ATP8A2: variants seen among roughly 807,000 people sequenced by gnomAD.
ATP8A2 encodes ATPase phospholipid transporting 8A2, also known as phospholipid-transporting ATPase IB.
A neutral mutation model predicts 165.6 loss-of-function variants in ATP8A2; 100 were observed. The ratio of observed to expected loss-of-function variants is 0.60; its 90% CI spans 0.51 to 0.71. The LOEUF (loss-of-function observed/expected upper bound fraction) is 0.71. Ranked by LOEUF, ATP8A2 falls within the 30% of genes least tolerant of loss-of-function variation. The pLI is 0.00. For missense variants in ATP8A2, 1,227 were observed against 1,479.5 expected (o/e 0.83, Z 2.80); for synonymous variants, 543 against 548.8 (o/e 0.99, Z 0.15).
chr13:25,477,874 T>A (rs1593368205), intron 2 of ATP8A2, among the ~76,000 whole-genome samples: 1 of 151,916 alleles, frequency 6.6e-6, no homozygotes, highest in Non-Finnish European at 1.5e-5. Flanking sequence ...GAGGTGGAGG[T>A]TGCAGTCAGC....
chr13:25,633,136 C>T (rs2041285350), intron 24 of ATP8A2, among the ~76,000 whole-genome samples: 2 of 152,216 alleles, frequency 1.3e-5, no homozygotes, highest in Non-Finnish European at 2.9e-5. Flanking sequence ...AGTCAGATTT[C>T]TCTTGAGCTT....
intron 35 of ATP8A2, among the ~76,000 whole-genome samples, chr13:25,994,126 G>A (rs530869012): frequency 2.0e-5 from 3 of 152,004 alleles, no homozygotes; most frequent in East Asian, 1.9e-4. Flanking sequence ...TTAAATTTTA[G>A]CATCTGTGTG....
intron 29 of ATP8A2, among the ~76,000 whole-genome samples, chr13:25,839,088 G>A (rs1951695535): frequency 6.6e-6 from 1 of 152,260 alleles, no homozygotes; most frequent in South Asian, 2.1e-4. Context: ...AGTTACAAGT[G>A]GAATGTTTTC....
chr13:25,455,366 C>G (rs1284828096), intron 1 of ATP8A2, among the ~76,000 whole-genome samples: 2 of 152,220 alleles, frequency 1.3e-5, no homozygotes, highest in East Asian at 1.9e-4. Context: ...ACCTTTCCAT[C>G]AGGGTTCTGT....
chr13:25,733,133 A>G (rs1387192355), intron 25 of ATP8A2, among the ~76,000 whole-genome samples: 1 of 152,230 alleles, frequency 6.6e-6, no homozygotes, highest in African/African-American at 2.4e-5. Context: ...TCAATGACTA[A>G]TAAGGAAATA....
intron 27 of ATP8A2, among the ~76,000 whole-genome samples, chr13:25,817,990 T>C (rs1951073602): frequency 6.6e-6 from 1 of 152,196 alleles, no homozygotes; most frequent in African/African-American, 2.4e-5. Flanking sequence ...CTCAAGTCCT[T>C]TTAAACATAA....
At chr13:25,709,183 G>A (rs1593230862) in intron 25 of ATP8A2, among the ~76,000 whole-genome samples, 1 of 152,310 alleles carries the variant, frequency 6.6e-6, no homozygotes, top group East Asian at 1.9e-4. Context: ...TGGGTCATCT[G>A]AGCAAAACAG....
chr13:25,997,010 G>C (rs1956524925), intron 35 of ATP8A2, among the ~76,000 whole-genome samples: 1 of 152,032 alleles, frequency 6.6e-6, no homozygotes, highest in Non-Finnish European at 1.5e-5. Context: ...GTAGAGACAG[G>C]GTTTCACCAT....
At chr13:25,420,146 T>G (rs2034257499) in intron 1 of ATP8A2, among the ~76,000 whole-genome samples, 1 of 152,222 alleles carries the variant, frequency 6.6e-6, no homozygotes, top group East Asian at 1.9e-4. Context: ...TTTGATTTCA[T>G]TTTGAAAGAT....
intron 24 of ATP8A2, among the ~76,000 whole-genome samples, chr13:25,661,433 C>T (rs1187699881): frequency 3.9e-5 from 6 of 152,282 alleles, no homozygotes; most frequent in Admixed American, 3.9e-4. Flanking sequence ...GGTAGAGCCA[C>T]ACAATTTTTG....
intron 24 of ATP8A2, among the ~76,000 whole-genome samples, chr13:25,663,330 C>A (rs1192356095): frequency 6.6e-6 from 1 of 152,194 alleles, no homozygotes; most frequent in African/African-American, 2.4e-5. Context: ...TTCAAGTTTG[C>A]TGTTTCCCTA....
intron 24 of ATP8A2, among the ~76,000 whole-genome samples, chr13:25,616,543 G>A (rs1185951868): frequency 2.0e-5 from 3 of 151,768 alleles, no homozygotes; most frequent in Non-Finnish European, 4.4e-5. Flanking sequence ...TGTTGGCCAG[G>A]CTAGTCTCGA....
intron 33 of ATP8A2, among the ~76,000 whole-genome samples, chr13:25,873,629 C>G (rs1264270216): frequency 6.6e-6 from 1 of 151,320 alleles, no homozygotes; most frequent in African/African-American, 2.4e-5. Context: ...ATTTTTACCC[C>G]CTAAGTATCT....
At chr13:25,921,388 C>T (rs1381474771) in intron 33 of ATP8A2, among the ~76,000 whole-genome samples, 3 of 151,168 alleles carry the variant, frequency 2.0e-5, no homozygotes, top group East Asian at 2.0e-4. Context: ...GAGGCTGAGG[C>T]GGGTGGATCA....
intron 25 of ATP8A2, among the ~76,000 whole-genome samples, chr13:25,728,420 T>G (rs1457355278): frequency 2.0e-5 from 3 of 151,806 alleles, no homozygotes; most frequent in Non-Finnish European, 1.5e-5. Context: ...GCTTAGAGAG[T>G]GGGGGTAACA....
rs2044563890 is a variant in ATP8A2 at position 25,769,216 on chromosome 13, A to T, written c.2555A>T (p.Tyr852Phe). The part of the protein sequence containing the change: ...EGMQATNNSD[Y>F]AIAQFSYLEK... ...ATGCAGGCCACCAACAACTCGGATT[A>T]CGCCATCGCACAGGTCAGCAGCTTG... Residue 852 changes from tyrosine to phenylalanine, a missense_variant, in exon 26 of 37, where the codon TAC becomes TTC. Coordinates refer to ENST00000381655, the MANE Select transcript of ATP8A2 (RefSeq NM_016529.6). 1.2e-5 allele frequency: 19 copies of T among 1,610,772 alleles called. No homozygotes were observed. The highest frequency in any genetic ancestry group is 1.6e-5 in the Non-Finnish European group (19 of 1,177,274).
At chr13:25,805,008 A>G (rs1000922012) in intron 27 of ATP8A2, among the ~76,000 whole-genome samples, 2 of 152,168 alleles carry the variant, frequency 1.3e-5, no homozygotes, top group African/African-American at 4.8e-5. Flanking sequence ...CTGACATTAA[A>G]CATTCAGTTG....
intron 1 of ATP8A2, among the ~76,000 whole-genome samples, chr13:25,465,787 T>TTCTCTCTTTCTC (rs1308418959): frequency 9.6e-6 from 1 of 103,684 alleles, no homozygotes; most frequent in African/African-American, 3.2e-5. Context: ...CTTTCTCTCT[T>TTCTCTCTTTCTC]TCTTTCTTTC....
chr13:25,857,591 T>TA (rs1491158642), intron 30 of ATP8A2, among the ~76,000 whole-genome samples: 1 of 124,168 alleles, frequency 8.1e-6, no homozygotes, highest in African/African-American at 3.0e-5. Context: ...TTTTTTTTTT[T>TA]GAGGCAGAGT....
Sources: allele counts gnomAD v4.1 joint callset (sites outside exome capture counted in the v4.1 genomes callset), GRCh38; gene constraint gnomAD v4.1.1; transcripts MANE v1.5; gene names NCBI Gene and HGNC (gene_info 2026-07-23, HGNC 2026-07-21).